Variants in PAQR8 observed in about 807,000 individuals in gnomAD.
PAQR8 encodes progestin and adipoQ receptor family member 8, also known as membrane progestin receptor beta.
A neutral mutation model predicts 25.2 loss-of-function variants in PAQR8; 17 were observed. The observed-to-expected ratio is 0.67, with a 90% CI of 0.46 to 1.01. The LOEUF (loss-of-function observed/expected upper bound fraction) is 1.01, where lower values mean the gene tolerates loss of function less well. PAQR8 is among the 50% of genes least tolerant of loss of function. The probability of loss-of-function intolerance (pLI) is 0.00; values close to 1 mark genes in which losing one functional copy is unlikely to be tolerated. For synonymous variants in PAQR8, 204 were observed against 190.6 expected (o/e 1.07, Z -0.58); for missense variants, 392 against 448.4 (o/e 0.87, Z 1.14).
intron 1 of PAQR8, among the ~76,000 whole-genome samples, chr6:52,402,501 C>T (rs1375127657): frequency 6.6e-6 from 1 of 151,716 alleles, no homozygotes; most frequent in Non-Finnish European, 1.5e-5. Flanking sequence ...CCTGTAATCC[C>T]AGCTACTTGG....
intron 1 of PAQR8, among the ~76,000 whole-genome samples, chr6:52,378,705 C>G (rs1032541204): frequency 5.3e-5 from 8 of 151,648 alleles, no homozygotes; most frequent in African/African-American, 1.7e-4. Context: ...GCAGGAGAAT[C>G]ACTTGAACCT....
chr6:52,374,480 C>G (rs1763458890), intron 1 of PAQR8, among the ~76,000 whole-genome samples: 1 of 151,994 alleles, frequency 6.6e-6, no homozygotes, highest in African/African-American at 2.4e-5. Flanking sequence ...GTGGTGTAAT[C>G]ATAGCTCACT....
rs1763903148 is a variant in PAQR8 at position 52,406,029 on chromosome 6, T to C, written c.*1751T>C. On this transcript the variant is annotated 3_prime_UTR_variant, in exon 2 of 2. Transcript: ENST00000442253. The stretch of plus-strand genomic sequence containing the variant: ...GCATGCGTCTTGTCAGCTACATTGT[T>C]TTCTTAGATGGATTTCTCCTGTTAA... The C allele has an allele frequency of 6.0e-6, 1 of 167,350 alleles. No homozygotes were observed. The highest frequency in any genetic ancestry group is 2.4e-5 in the African/African-American group (1 of 41,470). 10.4% of individuals were successfully genotyped at this position (167,350 alleles called of 1,614,324 possible). A position where few individuals can be genotyped will look rare whatever the true frequency, so the allele number is the denominator to read the frequency against.
chr6:52,368,073 T>C (rs1763373725), intron 1 of PAQR8, among the ~76,000 whole-genome samples: 1 of 151,962 alleles, frequency 6.6e-6, no homozygotes, highest in Non-Finnish European at 1.5e-5. Context: ...CTACAAAATA[T>C]ACAAAAAATA....
chr6:52,369,049 T>A (rs1306616913), intron 1 of PAQR8, among the ~76,000 whole-genome samples: 1 of 152,214 alleles, frequency 6.6e-6, no homozygotes, highest in African/African-American at 2.4e-5. Flanking sequence ...CCAAACCATC[T>A]GGGTGGCAAA....
At chr6:52,391,000 G>A (rs542831779) in intron 1 of PAQR8, among the ~76,000 whole-genome samples, 22 of 152,156 alleles carry the variant, frequency 1.4e-4, no homozygotes, top group Admixed American at 3.3e-4. Flanking sequence ...TAAAAAGTAC[G>A]ATAATGATAG....
chr6:52,380,448 T>A (rs1763546392), intron 1 of PAQR8, among the ~76,000 whole-genome samples: 1 of 152,246 alleles, frequency 6.6e-6, no homozygotes, highest in South Asian at 2.1e-4. Context: ...CTTCACAGAT[T>A]ATAATCAGAT....
intron 1 of PAQR8, among the ~76,000 whole-genome samples, chr6:52,387,626 C>T (rs1386458839): frequency 6.6e-6 from 1 of 152,218 alleles, no homozygotes; most frequent in African/African-American, 2.4e-5. Context: ...AGTGTCTCCC[C>T]AAATTAATAT....
chr6:52,372,125 T>C (rs1268333415), intron 1 of PAQR8, among the ~76,000 whole-genome samples: 1 of 152,174 alleles, frequency 6.6e-6, no homozygotes. Flanking sequence ...TTTCACTATT[T>C]TGTATGCCTG....
At chr6:52,380,754 A>G (rs1763549530) in intron 1 of PAQR8, among the ~76,000 whole-genome samples, 1 of 152,198 alleles carries the variant, frequency 6.6e-6, no homozygotes, top group African/African-American at 2.4e-5. Context: ...TACTTCATGT[A>G]TTCTTTATTT....
chr6:52,403,453 G>A lies in PAQR8; in HGVS notation c.240G>A (p.Trp80Ter). 1 of 1,614,222 alleles carries A rather than the reference G, an allele frequency of 6.2e-7. No homozygotes were observed. Among genetic ancestry groups the A allele is most frequent in the South Asian group, 1.1e-5 (1 of 91,088 alleles). Residue 80 changes from tryptophan to a stop codon, truncating the protein, a stop_gained, in exon 2 of 2, where the codon TGG becomes TGA. Transcript: ENST00000442253. LOFTEE classifies it high-confidence loss of function. ...AACACAACGAGGTGGTCAACGTCTG[G>A]ACCCATTTACTGGCAGCCCTGGCCG... ...FQKHNEVVNV[W>*]THLLAALAVL... is the part of the protein sequence containing the mutation.
chr6:52,381,543 G>T (rs1763560104), intron 1 of PAQR8, among the ~76,000 whole-genome samples: 1 of 152,208 alleles, frequency 6.6e-6, no homozygotes, highest in South Asian at 2.1e-4. Flanking sequence ...AGAGGTTGAG[G>T]CTGCAGTGAG....
chr6:52,403,079 A>T (rs1378015842), intron 1 of PAQR8, 83 bp from the exon 2 acceptor site: 2 of 757,918 alleles, frequency 2.6e-6, no homozygotes, highest in African/African-American at 3.5e-5. Context: ...TCAAAAGAAA[A>T]GAAAATAGCC....
At position 52,403,406 on chromosome 6, in the gene PAQR8, T is replaced by A. The variant is rs1371751012; in HGVS notation, c.193T>A (p.Tyr65Asn). 1 of 1,614,260 alleles carries A rather than the reference T, an allele frequency of 6.2e-7. No homozygotes were observed. The highest frequency in any genetic ancestry group is 8.5e-7 in the Non-Finnish European group (1 of 1,180,044). Residue 65 changes from tyrosine (Y) to asparagine (N), a missense_variant, in exon 2 of 2, where the codon TAC becomes AAC. Tyr to Asn is a moderately radical substitution (Grantham distance 143). Coordinates refer to ENST00000442253, the MANE Select transcript of PAQR8 (RefSeq NM_133367.5). ...YRPTGHEWRY[Y>N]FFSLFQKHNE... is the part of the protein sequence containing the mutation. Reference sequence around the variant, plus strand: ...CCCCACGGGGCACGAGTGGCGCTACTACTTCTTCAGCCTCTTTCAGAAACA... The same window carrying A: ...CCCCACGGGGCACGAGTGGCGCTACAACTTCTTCAGCCTCTTTCAGAAACA...
chr6:52,378,798 A>G (rs569950175), intron 1 of PAQR8, among the ~76,000 whole-genome samples: 29 of 147,064 alleles, frequency 2.0e-4, no homozygotes, highest in African/African-American at 4.0e-4. Flanking sequence ...CTAAAAAAAA[A>G]GGGGGGGAAG....
In PAQR8 at chr6:52,407,768, T is replaced by G. The variant is rs1763930112; in HGVS notation, c.*3490T>G. 6.3e-6 allele frequency: 1 copy of G among 159,230 alleles called. No homozygotes were observed. Among genetic ancestry groups the G allele is most frequent in the African/African-American group, 2.4e-5 (1 of 41,332 alleles). The allele number at this position is 159,230 out of a possible 1,614,324, so 9.9% of individuals were successfully genotyped here. On this transcript the variant is annotated 3_prime_UTR_variant, in exon 2 of 2. Coordinates refer to ENST00000442253, the MANE Select transcript of PAQR8 (RefSeq NM_133367.5). Reference sequence around the variant, plus strand: ...ATATGAATAACCATTAAAGTGATTTTGTATATGCATTGTTGTAGTGTCAGC... The same window carrying G: ...ATATGAATAACCATTAAAGTGATTTGGTATATGCATTGTTGTAGTGTCAGC...
intron 1 of PAQR8, among the ~76,000 whole-genome samples, chr6:52,364,918 T>TG (rs1763335217): frequency 1.3e-5 from 2 of 152,236 alleles, no homozygotes; most frequent in Admixed American, 6.5e-5. Context: ...CTCAAAAACT[T>TG]AACTACTTTG....
At chr6:52,398,948 T>C (rs1372983552) in intron 1 of PAQR8, among the ~76,000 whole-genome samples, 1 of 151,868 alleles carries the variant, frequency 6.6e-6, no homozygotes, top group Non-Finnish European at 1.5e-5. Flanking sequence ...TTAGAGCCTA[T>C]GGTGGTTGTA....
intron 1 of PAQR8, among the ~76,000 whole-genome samples, chr6:52,364,083 G>GTTTTTTTTTTTTTT (rs67846872): frequency 0.03 from 2,547 of 84,234 alleles, 525 homozygotes; most frequent in Non-Finnish European, 0.044. Flanking sequence ...TGAAAGATAT[G>GTTTTTTTTTTTTTT]TTTTTTTTTT....
Sources: allele counts gnomAD v4.1 joint callset (sites outside exome capture counted in the v4.1 genomes callset), GRCh38; gene constraint gnomAD v4.1.1; transcripts MANE v1.5; gene names NCBI Gene and HGNC (gene_info 2026-07-23, HGNC 2026-07-21).